CHRM3: variants seen among roughly 807,000 people sequenced by gnomAD.
The protein encoded by CHRM3 is muscarinic acetylcholine receptor M3.
Under a neutral mutation model 41.8 loss-of-function variants are expected in CHRM3, and 11 were observed. That is an observed-to-expected ratio of 0.26 (90% CI 0.17 to 0.44). The LOEUF (loss-of-function observed/expected upper bound fraction) is 0.44. Among genes scored for constraint, CHRM3 ranks in the 20% least tolerant of loss-of-function variants. The pLI is 1.00. For synonymous variants in CHRM3, 297 were observed against 301.4 expected, an observed-to-expected ratio of 0.99 and a Z score of 0.15; for missense variants, 571 against 745.4, an observed-to-expected ratio of 0.77 and a Z score of 2.72.
chr1:239,593,893 A>G (rs1054752416), intron 3 of CHRM3, among the ~76,000 whole-genome samples: 1 of 152,198 alleles, frequency 6.6e-6, no homozygotes, highest in African/African-American at 2.4e-5. Flanking sequence ...ACCGATAAGC[A>G]AGTTCATCAT....
At chr1:239,650,280 A>G (rs1205312685) in intron 4 of CHRM3, among the ~76,000 whole-genome samples, 1 of 152,256 alleles carries the variant, frequency 6.6e-6, no homozygotes, top group Non-Finnish European at 1.5e-5. Flanking sequence ...ATTTCATAGT[A>G]TAATACCTGC....
chr1:239,470,832 C>G (rs756626423), intron 1 of CHRM3, among the ~76,000 whole-genome samples: 1 of 152,174 alleles, frequency 6.6e-6, no homozygotes, highest in Non-Finnish European at 1.5e-5. Context: ...CCTCAAATTG[C>G]ACCTTCCCAA....
intron 2 of CHRM3, among the ~76,000 whole-genome samples, chr1:239,497,970 A>C (rs1275093008): frequency 6.6e-6 from 1 of 152,144 alleles, no homozygotes. Context: ...CTATTTATTA[A>C]CCAATATAAA....
chr1:239,592,478 T>C (rs1664293507), intron 3 of CHRM3, among the ~76,000 whole-genome samples: 1 of 152,174 alleles, frequency 6.6e-6, no homozygotes, highest in Non-Finnish European at 1.5e-5. Flanking sequence ...CCACTAATTT[T>C]CTGACTCTAT....
At chr1:239,724,059 G>A (rs1558488056) in intron 5 of CHRM3, among the ~76,000 whole-genome samples, 1 of 151,496 alleles carries the variant, frequency 6.6e-6, no homozygotes, top group Non-Finnish European at 1.5e-5. Flanking sequence ...CCACAAACCT[G>A]CCTTTTTTTT....
In CHRM3 at chr1:239,673,303, G is replaced by A. The variant is rs934896198; in HGVS notation, c.-249-4883G>A. Among the ~76,000 whole-genome samples, 7 of 152,256 alleles carry A rather than the reference G, an allele frequency of 4.6e-5. No individual in the cohort carries two copies. In the South Asian group the frequency reaches 8.3e-4, roughly 18 times the overall value. The stretch of plus-strand genomic sequence containing the variant: ...TGCAGAGTGGAAGATTGCTGATCAC[G>A]CGTTTAAAGTCATATGCAATAGCAA... On this transcript the variant is annotated intron_variant, in intron 4 of 6. Transcript: ENST00000676153.
intron 5 of CHRM3, among the ~76,000 whole-genome samples, chr1:239,809,692 T>A (rs1670962285): frequency 6.6e-6 from 1 of 151,764 alleles, no homozygotes; most frequent in Non-Finnish European, 1.5e-5. Context: ...ACAGACAGGG[T>A]CTCCCTATGT....
chr1:239,833,426 A>G (rs1211038367), intron 6 of CHRM3, among the ~76,000 whole-genome samples: 4 of 151,800 alleles, frequency 2.6e-5, no homozygotes, highest in Admixed American at 2.6e-4. Context: ...AGTTTCTCCA[A>G]CTCCTCCAGG....
At chr1:239,590,084 G>A (rs1326799190) in intron 3 of CHRM3, among the ~76,000 whole-genome samples, 2 of 152,052 alleles carry the variant, frequency 1.3e-5, no homozygotes, top group African/African-American at 4.8e-5. Flanking sequence ...GGCTGTGATG[G>A]ATCCACAAGA....
chr1:239,777,646 T>G (rs1028196919), intron 5 of CHRM3, among the ~76,000 whole-genome samples: 1 of 152,174 alleles, frequency 6.6e-6, no homozygotes, highest in African/African-American at 2.4e-5. Flanking sequence ...AAGCACAGCT[T>G]TCTTCTGTTC....
intron 5 of CHRM3, chr1:239,720,164 C>T (rs1056088996): frequency 3.3e-5 from 5 of 151,968 alleles, no homozygotes; most frequent in African/African-American, 4.8e-5. Flanking sequence ...AGGATTTACA[C>T]GCTGCGTTTG....
intron 3 of CHRM3, among the ~76,000 whole-genome samples, chr1:239,612,873 G>C (rs534953638): frequency 6.6e-6 from 1 of 152,022 alleles, no homozygotes; most frequent in African/African-American, 2.4e-5. Flanking sequence ...TTGCTAATGG[G>C]GCCATCTTGA....
At chr1:239,640,501 T>G (rs1671002632) in intron 4 of CHRM3, among the ~76,000 whole-genome samples, 1 of 152,320 alleles carries the variant, frequency 6.6e-6, no homozygotes. Flanking sequence ...TGGGAGGGTG[T>G]ATGTGTCGAG....
At chr1:239,593,699 G>A (rs1664456875) in intron 3 of CHRM3, among the ~76,000 whole-genome samples, 1 of 152,120 alleles carries the variant, frequency 6.6e-6, no homozygotes. Context: ...AATATCCACT[G>A]ATAGAGATCT....
chr1:239,840,037 A>G (rs1673663085), intron 6 of CHRM3, among the ~76,000 whole-genome samples: 1 of 152,218 alleles, frequency 6.6e-6, no homozygotes, highest in East Asian at 1.9e-4. Flanking sequence ...ATGCACGCAT[A>G]CACTTTTACT....
chr1:239,814,976 G>A (rs1010739005), intron 5 of CHRM3, among the ~76,000 whole-genome samples: 2 of 151,900 alleles, frequency 1.3e-5, no homozygotes, highest in African/African-American at 2.4e-5. Flanking sequence ...GGGTTTCATC[G>A]TGTTTGCCAG....
At chr1:239,744,341 G>A (rs1665153681) in intron 5 of CHRM3, among the ~76,000 whole-genome samples, 1 of 152,058 alleles carries the variant, frequency 6.6e-6, no homozygotes. Flanking sequence ...AATATTCTAG[G>A]GGAAAAATAC....
intron 5 of CHRM3, chr1:239,707,680 T>C (rs2148175406): frequency 6.6e-6 from 1 of 152,240 alleles, no homozygotes; most frequent in African/African-American, 2.4e-5. Context: ...TTTCATTGCT[T>C]TTGTAGTTTT....
At chr1:239,701,784 G>A (rs955449201) in intron 5 of CHRM3, among the ~76,000 whole-genome samples, 7 of 152,066 alleles carry the variant, frequency 4.6e-5, no homozygotes, top group Admixed American at 2.6e-4. Flanking sequence ...CCTGGACTCC[G>A]ATCGCCGTAG....
Sources: allele counts gnomAD v4.1 joint callset (sites outside exome capture counted in the v4.1 genomes callset), GRCh38; gene constraint gnomAD v4.1.1; transcripts MANE v1.5; gene names NCBI Gene and HGNC (gene_info 2026-07-23, HGNC 2026-07-21).